Variants in RBFOX1 observed in about 807,000 individuals in gnomAD.
The protein encoded by RBFOX1 is RNA binding protein fox-1 homolog 1.
RBFOX1 carries 8 observed loss-of-function variants against 57.7 expected under a neutral mutation model. The observed-to-expected ratio is 0.14, with a 90% CI of 0.08 to 0.25. The LOEUF (loss-of-function observed/expected upper bound fraction) is 0.25, where lower values mean the gene tolerates loss of function less well. Ranked by LOEUF, RBFOX1 falls within the 10% of genes least tolerant of loss-of-function variation. The pLI is 1.00. For synonymous variants in RBFOX1, 326 were observed against 222.4 expected (o/e 1.47, Z -4.15); for missense variants, 611 against 548.5 (o/e 1.11, Z -1.14).
At chr16:7,160,431 C>A (rs552390940) in intron 4 of RBFOX1, among the ~76,000 whole-genome samples, 1 of 151,930 alleles carries the variant, frequency 6.6e-6, no homozygotes, top group African/African-American at 2.4e-5. Flanking sequence ...TTCCTTCTTT[C>A]GTAAGGTTGC....
chr16:7,094,003 T>C (rs897322070), intron 4 of RBFOX1, among the ~76,000 whole-genome samples: 1 of 151,414 alleles, frequency 6.6e-6, no homozygotes, highest in African/African-American at 2.4e-5. Context: ...GATGTTGTCT[T>C]TATGATTGTG....
At chr16:6,808,729 C>G (rs1406787145) in intron 3 of RBFOX1, among the ~76,000 whole-genome samples, 1 of 152,122 alleles carries the variant, frequency 6.6e-6, no homozygotes, top group East Asian at 1.9e-4. Context: ...TAATACTGTT[C>G]TTTTCTCCAC....
intron 2 of RBFOX1, among the ~76,000 whole-genome samples, chr16:6,375,188 C>A (rs1322657029): frequency 6.6e-6 from 1 of 152,112 alleles, no homozygotes; most frequent in African/African-American, 2.4e-5. Context: ...ACACCAACTG[C>A]AAGAGGGTAT....
At chr16:6,403,624 G>A (rs567435030) in intron 2 of RBFOX1, among the ~76,000 whole-genome samples, 1 of 152,152 alleles carries the variant, frequency 6.6e-6, no homozygotes, top group East Asian at 1.9e-4. Context: ...CAAAATGCTG[G>A]GGTTGTAGCC....
rs115553528 is a variant in RBFOX1, at chr16:5,903,295, C to G, written c.351+35960C>G. ...TTTCACCACTGCTTCGTCATCCTCCCTCTTGCCCTCCCTGCTGTGCATGCT... is the reference window on the plus strand; with the variant it reads ...TTTCACCACTGCTTCGTCATCCTCCGTCTTGCCCTCCCTGCTGTGCATGCT... On this transcript the variant is annotated intron_variant, in intron 4 of 19. Coordinates refer to the RBFOX1 transcript ENST00000641259. Among the ~76,000 whole-genome samples, 496 of 152,334 alleles carry G rather than the reference C, an allele frequency of 3.3e-3. 3 individuals are homozygous for G. The highest frequency in any genetic ancestry group is 0.011 in the African/African-American group (472 of 41,566).
intron 4 of RBFOX1, among the ~76,000 whole-genome samples, chr16:5,983,397 A>G (rs2060212822): frequency 1.3e-5 from 2 of 152,212 alleles, no homozygotes; most frequent in East Asian, 3.9e-4. Flanking sequence ...TTGTCACTGA[A>G]TAGTGCTTTA....
intron 3 of RBFOX1, chr16:6,723,998 A>G (rs2154166700): frequency 6.6e-6 from 1 of 152,234 alleles, no homozygotes; most frequent in Middle Eastern, 3.4e-3. Context: ...ACCGTTTGGG[A>G]GAAGTGGATA....
chr16:6,756,340 T>G (rs2075783618), intron 3 of RBFOX1, among the ~76,000 whole-genome samples: 1 of 152,092 alleles, frequency 6.6e-6, no homozygotes, highest in South Asian at 2.1e-4. Flanking sequence ...CATTAAAGAT[T>G]GAAACCCAAT....
chr16:7,161,569 A>T (rs1047703162), intron 4 of RBFOX1, among the ~76,000 whole-genome samples: 1 of 152,160 alleles, frequency 6.6e-6, no homozygotes, highest in African/African-American at 2.4e-5. Flanking sequence ...TCCTTTGCTA[A>T]GGCTGTGTAC....
At chr16:7,146,577 A>C (rs990017602) in intron 4 of RBFOX1, among the ~76,000 whole-genome samples, 7 of 152,184 alleles carry the variant, frequency 4.6e-5, no homozygotes, top group African/African-American at 1.7e-4. Context: ...TCATTGAAAC[A>C]AAGCAAGAAG....
At chr16:6,867,095 C>A (rs927164740) in intron 3 of RBFOX1, among the ~76,000 whole-genome samples, 2 of 151,490 alleles carry the variant, frequency 1.3e-5, no homozygotes, top group African/African-American at 4.8e-5. Context: ...CCAGCAAGAA[C>A]ACTTCCAGTG....
chr16:6,881,025 C>G (rs997303501), intron 3 of RBFOX1, among the ~76,000 whole-genome samples: 10 of 152,190 alleles, frequency 6.6e-5, no homozygotes, highest in African/African-American at 1.2e-4. Context: ...GGCCCATACC[C>G]TCCACCTTCC....
intron 3 of RBFOX1, among the ~76,000 whole-genome samples, chr16:6,956,315 G>A (rs1000448320): frequency 7.2e-5 from 11 of 152,128 alleles, no homozygotes; most frequent in South Asian, 2.1e-4. Context: ...ATCCCCATTC[G>A]TCATCTCCCA....
intron 1 of RBFOX1, chr16:5,270,398 AATG>A (rs2062974938): frequency 7.8e-7 from 1 of 1,277,412 alleles, no homozygotes; most frequent in Non-Finnish European, 1.1e-6. Flanking sequence ...TGATGTGCAG[AATG>A]ATGAAGTTGC....
chr16:5,793,536 G>T (rs529467158), intron 3 of RBFOX1, among the ~76,000 whole-genome samples: 1 of 152,218 alleles, frequency 6.6e-6, no homozygotes, highest in Non-Finnish European at 1.5e-5. Flanking sequence ...AAGCCATGTT[G>T]CCTTCCTGAG....
intron 3 of RBFOX1, among the ~76,000 whole-genome samples, chr16:6,693,031 C>T (rs1295195564): frequency 1.3e-5 from 2 of 151,662 alleles, no homozygotes; most frequent in African/African-American, 4.8e-5. Flanking sequence ...CAACATCATC[C>T]CCATCCACTA....
intron 1 of RBFOX1, among the ~76,000 whole-genome samples, chr16:5,380,477 A>G (rs1415922058): frequency 1.3e-5 from 2 of 152,200 alleles, no homozygotes; most frequent in Non-Finnish European, 2.9e-5. Context: ...GTGCACTTGT[A>G]CTTGTTGGGT....
chr16:6,706,858 G>T (rs151289769), intron 3 of RBFOX1, among the ~76,000 whole-genome samples: 2 of 152,092 alleles, frequency 1.3e-5, no homozygotes, highest in African/African-American at 4.8e-5. Flanking sequence ...TCTGGTGTAG[G>T]TATCTATCTC....
At position 7,318,824 on chromosome 16, in the gene RBFOX1, T is replaced by C. The variant is rs541491958; in HGVS notation, c.28-199323T>C. Among the ~76,000 whole-genome samples the C allele has an allele frequency of 4.6e-5, 7 of 152,110 alleles. No individual in the cohort carries two copies. In the South Asian group the frequency reaches 6.2e-4, roughly 14 times the overall value. On this transcript the variant is annotated intron_variant, in intron 4 of 15. Coordinates refer to ENST00000550418, the MANE Select transcript of RBFOX1 (RefSeq NM_018723.4). ...ATGTGTTCTGCGTAGAACAGGTGTG[T>C]GGTGAGCCGAAGTTCTGGCAGAGCG... is the stretch of plus-strand genomic sequence containing the variant.
Sources: allele counts gnomAD v4.1 joint callset (sites outside exome capture counted in the v4.1 genomes callset), GRCh38; gene constraint gnomAD v4.1.1; transcripts MANE v1.5; gene names NCBI Gene and HGNC (gene_info 2026-07-23, HGNC 2026-07-21).